CSNK1G2: variants seen among roughly 807,000 people sequenced by gnomAD.
CSNK1G2 encodes the protein casein kinase I isoform gamma-2.
CSNK1G2 carries 11 observed loss-of-function variants against 48.0 expected under a neutral mutation model. The observed-to-expected ratio is 0.23, with a 90% CI of 0.14 to 0.38. CSNK1G2 has a LOEUF of 0.38. Among genes scored for constraint, CSNK1G2 ranks in the 10% least tolerant of loss-of-function variants. The pLI, the probability that CSNK1G2 is intolerant of heterozygous loss-of-function variation, is 1.00. For synonymous variants in CSNK1G2, 337 were observed against 254.1 expected, an observed-to-expected ratio of 1.33 and a Z score of -3.10; for missense variants, 446 against 595.5, an observed-to-expected ratio of 0.75 and a Z score of 2.61.
At chr19:1,947,528 C>A (rs78383329) in intron 1 of CSNK1G2, among the ~76,000 whole-genome samples, 2,475 of 152,334 alleles carry the variant, frequency 0.016, 64 homozygotes, top group African/African-American at 0.057. Flanking sequence ...GGGGACAGTT[C>A]CCAGGACGGG....
In CSNK1G2 at chr19:1,941,319, C is replaced by G. The variant is rs1164232274; in HGVS notation, c.-365C>G. ...CCCAAGCGGCACCGGAGCCGGAGCGCGAGGGGGCGCGGGGCCCGGAGCGGG... is the reference window on the plus strand; with the variant it reads ...CCCAAGCGGCACCGGAGCCGGAGCGGGAGGGGGCGCGGGGCCCGGAGCGGG... On this transcript the variant is annotated 5_prime_UTR_variant, in exon 1 of 12. Transcript: ENST00000255641. The G allele has an allele frequency of 1.4e-5, 2 of 146,574 alleles. No individual in the cohort carries two copies. Among genetic ancestry groups the G allele is most frequent in the East Asian group, 3.9e-4 (2 of 5,068 alleles). The allele number at this position is 146,574 out of a possible 1,614,324, so 9.1% of individuals were successfully genotyped here.
At chr19:1,971,219 C>T (rs2015557892) in intron 2 of CSNK1G2, among the ~76,000 whole-genome samples, 2 of 152,198 alleles carry the variant, frequency 1.3e-5, no homozygotes, top group Admixed American at 1.3e-4. Flanking sequence ...TCACTGTTGG[C>T]TGTTTCTGTG....
At position 1,951,097 on chromosome 19, in the gene CSNK1G2, G is replaced by T. The variant is rs540175804; in HGVS notation, c.-266+9679G>T. 3.7e-4 allele frequency among the ~76,000 whole-genome samples: 54 copies of T among 145,400 alleles called. 9 individuals carry two copies. Among genetic ancestry groups the T allele is most frequent in the African/African-American group, 1.1e-3 (43 of 37,806 alleles). Reference sequence around the variant, plus strand: ...GGGGAGGCAACACTTTCTACCGTTTGCTGGTTTATAAAAATCAAAGATGGC... The same window carrying T: ...GGGGAGGCAACACTTTCTACCGTTTTCTGGTTTATAAAAATCAAAGATGGC... On this transcript the variant is annotated intron_variant, in intron 1 of 11. Transcript: ENST00000255641.
At chr19:1,942,415 G>T (rs1226648132) in intron 1 of CSNK1G2, 1 of 152,398 alleles carries the variant, frequency 6.6e-6, no homozygotes, top group Non-Finnish European at 1.5e-5. Flanking sequence ...TGCAGGAAGC[G>T]GGCCGGAGGG....
intron 1 of CSNK1G2, among the ~76,000 whole-genome samples, chr19:1,946,289 T>TTTATTTA (rs2014557364): frequency 4.2e-5 from 6 of 143,804 alleles, no homozygotes; most frequent in Non-Finnish European, 9.2e-5. Context: ...TTTATTTATT[T>TTTATTTA]TTTATTTATT....
At chr19:1,945,377 C>T (rs1283892281) in intron 1 of CSNK1G2, among the ~76,000 whole-genome samples, 1 of 152,216 alleles carries the variant, frequency 6.6e-6, no homozygotes, top group East Asian at 1.9e-4. Flanking sequence ...CTCAGAGCCC[C>T]CAACGTGTCC....
chr19:1,947,173 T>A (rs772007721), intron 1 of CSNK1G2, among the ~76,000 whole-genome samples: 3 of 152,134 alleles, frequency 2.0e-5, no homozygotes, highest in Non-Finnish European at 4.4e-5. Flanking sequence ...AGGTAATCCC[T>A]CAATTATCTG....
chr19:1,945,296 G>T (rs1256694794), intron 1 of CSNK1G2, among the ~76,000 whole-genome samples: 4 of 152,234 alleles, frequency 2.6e-5, no homozygotes, highest in African/African-American at 9.6e-5. Flanking sequence ...CAGCACTCAG[G>T]CGGCCCTGGC....
At chr19:1,975,022 G>A (rs1177105226) in intron 2 of CSNK1G2, 15 of 975,784 alleles carry the variant, frequency 1.5e-5, no homozygotes, top group Non-Finnish European at 1.8e-5. Context: ...GGCCTCAGAT[G>A]CTGCCACACC....
intron 2 of CSNK1G2, among the ~76,000 whole-genome samples, chr19:1,971,078 T>C (rs2145576346): frequency 6.6e-6 from 1 of 152,324 alleles, no homozygotes; most frequent in Non-Finnish European, 1.5e-5. Flanking sequence ...TGCCTCACTT[T>C]ACCCACCTGT....
chr19:1,974,645 T>C (rs1457167298), intron 2 of CSNK1G2: 1 of 152,364 alleles, frequency 6.6e-6, no homozygotes, highest in East Asian at 1.9e-4. Context: ...TCTCCCGGCT[T>C]GAGCGCTGAG....
At chr19:1,964,704 A>G (rs1190520744) in intron 1 of CSNK1G2, among the ~76,000 whole-genome samples, 3 of 150,434 alleles carry the variant, frequency 2.0e-5, no homozygotes, top group Non-Finnish European at 4.4e-5. Context: ...TTTGAGACCT[A>G]TTGTTCAGAA....
At position 1,969,892 on chromosome 19, in the gene CSNK1G2, G is replaced by C; in HGVS notation, c.120G>C (p.Leu40=). The C allele has an allele frequency of 7.6e-7, 1 of 1,312,696 alleles. No individual in the cohort carries two copies. The highest frequency in any genetic ancestry group is 9.8e-7 in the Non-Finnish European group (1 of 1,022,152). 81.3% of individuals were successfully genotyped at this position (1,312,696 alleles called of 1,614,324 possible). Reference sequence around the variant, plus strand: ...GCTCGGGGACCAGCTCGGGGGTCCTGATGGTGGGCCCCAACTTCCGCGTCG... The same window carrying C: ...GCTCGGGGACCAGCTCGGGGGTCCTCATGGTGGGCCCCAACTTCCGCGTCG... ...IRSSGTSSGV[L]MVGPNFRVGK... is the part of the protein sequence containing the mutation. Residue 40 remains leucine, a synonymous_variant, in exon 2 of 12, where the codon CTG becomes CTC. Transcript: ENST00000255641.
intron 1 of CSNK1G2, among the ~76,000 whole-genome samples, chr19:1,944,957 C>T (rs1191303213): frequency 2.0e-5 from 3 of 152,216 alleles, no homozygotes; most frequent in Non-Finnish European, 4.4e-5. Flanking sequence ...CCCCGCTCAC[C>T]ACCCACATCA....
chr19:1,978,674 C>T lies in CSNK1G2; in HGVS notation c.371C>T (p.Pro124Leu). ...YNAMVLELLG[P>L]SLEDLFDLCD... ...GCCATGGTGCTGGAGCTGCTGGGGC[C>T]CAGCCTGGAGGACCTGTTCGACCTG... Residue 124 changes from proline to leucine, a missense_variant, in exon 5 of 12, where the codon CCC becomes CTC. By Grantham distance (98) the Pro-to-Leu change is moderately conservative (BLOSUM62 -3). Transcript: ENST00000255641. The surrounding 1 kb of genome is among the most constrained non-coding windows in gnomAD (Gnocchi z 7.3). 6.2e-7 allele frequency: 1 copy of T among 1,607,322 alleles called. No individual in the cohort carries two copies. The highest frequency in any genetic ancestry group is 8.5e-7 in the Non-Finnish European group (1 of 1,177,314).
intron 1 of CSNK1G2, among the ~76,000 whole-genome samples, chr19:1,951,890 G>A (rs930302992): frequency 2.7e-4 from 41 of 152,186 alleles, no homozygotes; most frequent in African/African-American, 8.0e-4. Flanking sequence ...CCGTGTTAGC[G>A]AAGATGGTCT....
chr19:1,957,575 C>T lies in CSNK1G2; in HGVS notation c.-265-11933C>T, dbSNP rs898192318. On this transcript the variant is annotated intron_variant, in intron 1 of 11. Coordinates refer to ENST00000255641, the MANE Select transcript of CSNK1G2 (RefSeq NM_001319.7). The surrounding 1 kb of genome is among the most constrained non-coding windows in gnomAD (Gnocchi z 5.4). ...TGAGGGAGCCGAGCAGATGCCTTTG[C>T]CCCTGCAGGTCCCCCATGTCCCCTC... Among the ~76,000 whole-genome samples the T allele has an allele frequency of 6.6e-6, 1 of 152,232 alleles. No individual in the cohort carries two copies. The highest frequency in any genetic ancestry group is 1.5e-5 in the Non-Finnish European group (1 of 68,032).
rs561798369 is a variant in CSNK1G2 at position 1,959,621 on chromosome 19, G to A, written c.-265-9887G>A. Reference sequence around the variant, plus strand: ...TGCCACCCTGAGTCCCCCAGCACCCGTGCCACCTTTAGTGCCACCGTGGGT... The same window carrying A: ...TGCCACCCTGAGTCCCCCAGCACCCATGCCACCTTTAGTGCCACCGTGGGT... On this transcript the variant is annotated intron_variant, in intron 1 of 11. Transcript: ENST00000255641. Among the ~76,000 whole-genome samples the A allele has an allele frequency of 1.3e-4, 15 of 119,410 alleles. 3 individuals are homozygous for A. Among genetic ancestry groups the A allele is most frequent in the Admixed American group, 2.4e-4 (3 of 12,350 alleles). 78.3% of individuals were successfully genotyped at this position (119,410 alleles called of 152,430 possible).
intron 1 of CSNK1G2, among the ~76,000 whole-genome samples, chr19:1,964,881 A>G (rs1310761537): frequency 6.6e-6 from 1 of 151,296 alleles, no homozygotes; most frequent in Non-Finnish European, 1.5e-5. Context: ...GCCCACGACC[A>G]TGCCCAGCTA....
Sources: allele counts gnomAD v4.1 joint callset (sites outside exome capture counted in the v4.1 genomes callset), GRCh38; gene constraint gnomAD v4.1.1; non-coding constraint Gnocchi (gnomAD v3.1); transcripts MANE v1.5; gene names NCBI Gene and HGNC (gene_info 2026-07-23, HGNC 2026-07-21).